The following SAP130 variants were observed in gnomAD, a reference collection of about 807,000 sequenced individuals.
The protein encoded by SAP130 is Sin3A associated protein 130, also known as histone deacetylase complex subunit SAP130.
SAP130 carries 16 observed loss-of-function variants against 103.2 expected under a neutral mutation model. The ratio of observed to expected loss-of-function variants is 0.16; its 90% confidence interval spans 0.10 to 0.24. The LOEUF is 0.24. SAP130 is among the 10% of genes least tolerant of loss of function. SAP130 has a pLI of 1.00. For missense variants in SAP130, 990 were observed against 1,359.7 expected (o/e 0.73, Z 4.28); for synonymous variants, 477 against 497.0 (o/e 0.96, Z 0.53).
chr2:128,017,383 T>TA (rs150344928), intron 3 of SAP130, among the ~76,000 whole-genome samples: 36 of 147,784 alleles, frequency 2.4e-4, no homozygotes, highest in Non-Finnish European at 4.0e-4. Flanking sequence ...CTGACTGGCT[T>TA]AAAAAAAAAA....
At chr2:128,026,584 C>A (rs1225549612) in intron 1 of SAP130, among the ~76,000 whole-genome samples, 1 of 152,194 alleles carries the variant, frequency 6.6e-6, no homozygotes, top group East Asian at 1.9e-4. Context: ...GTACAAGAGT[C>A]ACATGACAGG....
chr2:128,027,715 A>C (rs1323741062), intron 1 of SAP130, among the ~76,000 whole-genome samples: 1 of 120,996 alleles, frequency 8.3e-6, no homozygotes, highest in Non-Finnish European at 1.7e-5. Context: ...GGGTCAGCCC[A>C]CCCCTCCCGG....
chr2:127,995,878 C>G (rs1683144912), intron 11 of SAP130, among the ~76,000 whole-genome samples: 1 of 152,128 alleles, frequency 6.6e-6, no homozygotes, highest in South Asian at 2.1e-4. Context: ...CTGGTATAAC[C>G]TGAATGTAAC....
intron 15 of SAP130, among the ~76,000 whole-genome samples, chr2:127,972,663 C>T (rs557181325): frequency 1.3e-5 from 2 of 152,202 alleles, no homozygotes; most frequent in East Asian, 3.9e-4. Flanking sequence ...GAGGCTGAGG[C>T]AGGAGAATCA....
At chr2:128,005,145 CAGA>C (rs1475701617) in intron 7 of SAP130, among the ~76,000 whole-genome samples, 7 of 152,088 alleles carry the variant, frequency 4.6e-5, no homozygotes, top group Non-Finnish European at 8.8e-5. Context: ...GAGAGAACAA[CAGA>C]AGAAGACAAA....
intron 18 of SAP130, among the ~76,000 whole-genome samples, chr2:127,949,549 C>T (rs1226177317): frequency 6.6e-6 from 1 of 152,188 alleles, no homozygotes; most frequent in African/African-American, 2.4e-5. Context: ...ACAGCTCTTC[C>T]ACAATGACTC....
intron 2 of SAP130, among the ~76,000 whole-genome samples, chr2:128,024,851 C>T (rs1281267977): frequency 6.6e-6 from 1 of 151,784 alleles, no homozygotes; most frequent in African/African-American, 2.4e-5. Flanking sequence ...TGCACTCCAG[C>T]CTGGGCCACA....
chr2:128,014,730 G>A (rs761629873), intron 5 of SAP130, 73 bp downstream of exon 5: 8 of 1,028,008 alleles, frequency 7.8e-6, no homozygotes, highest in South Asian at 2.6e-5. Flanking sequence ...GATACATTCT[G>A]TGTTACGTAT....
At chr2:128,019,441 T>C (rs928139879) in intron 2 of SAP130, among the ~76,000 whole-genome samples, 2 of 152,190 alleles carry the variant, frequency 1.3e-5, no homozygotes, top group African/African-American at 4.8e-5. Flanking sequence ...CTAATTCTTT[T>C]ATTTTTTTAT....
chr2:127,999,633 G>C (rs930221255), intron 10 of SAP130, 108 bp downstream of exon 10: 2 of 532,564 alleles, frequency 3.8e-6, no homozygotes, highest in African/African-American at 3.9e-5. Context: ...AAAAAAAAGA[G>C]GAAATCAACA....
intron 11 of SAP130, among the ~76,000 whole-genome samples, chr2:127,995,129 T>A (rs376214803): frequency 6.6e-6 from 1 of 152,230 alleles, no homozygotes; most frequent in African/African-American, 2.4e-5. Context: ...GATATCAGCA[T>A]GAACTCAAAT....
chr2:127,995,638 GAATT>G (rs1471073355), intron 11 of SAP130, among the ~76,000 whole-genome samples: 1 of 152,098 alleles, frequency 6.6e-6, no homozygotes, highest in Non-Finnish European at 1.5e-5. Flanking sequence ...ATTCAGCCAG[GAATT>G]AATAATAGAT....
chr2:127,951,220 A>G (rs1679474570), intron 16 of SAP130, among the ~76,000 whole-genome samples: 1 of 152,302 alleles, frequency 6.6e-6, no homozygotes, highest in Middle Eastern at 3.4e-3. Context: ...GATAAAAAGC[A>G]TGTGTTGTGA....
chr2:127,991,650 T>C (rs1283625398), intron 12 of SAP130, among the ~76,000 whole-genome samples: 1 of 152,196 alleles, frequency 6.6e-6, no homozygotes, highest in African/African-American at 2.4e-5. Flanking sequence ...CTTAACAAGA[T>C]ATTTTACATT....
At chr2:127,949,607 G>A (rs1679353728) in intron 18 of SAP130, among the ~76,000 whole-genome samples, 1 of 152,170 alleles carries the variant, frequency 6.6e-6, no homozygotes, top group South Asian at 2.1e-4. Context: ...CTGTTAACAT[G>A]TGGGTTTTAC....
chr2:127,965,018 T>C (rs1439978047), intron 15 of SAP130, among the ~76,000 whole-genome samples: 6 of 124,014 alleles, frequency 4.8e-5, no homozygotes, highest in East Asian at 2.5e-4. Context: ...AAAAACAGGC[T>C]GGGTGTGGTG....
intron 1 of SAP130, chr2:128,027,354 G>A (rs1685592834): frequency 8.8e-7 from 1 of 1,142,566 alleles, no homozygotes; most frequent in Admixed American, 4.9e-5. Context: ...CGACGCGTCA[G>A]TGGAGGCCCA....
chr2:128,010,976 G>A (rs1037078945), intron 6 of SAP130, among the ~76,000 whole-genome samples: 7 of 141,676 alleles, frequency 4.9e-5, no homozygotes, highest in Non-Finnish European at 1.1e-4. Flanking sequence ...ATCCCATTTT[G>A]ATTGAACAGT....
Position 127,941,839 on chromosome 2 carries a change from C to A in SAP130, c.*167G>T. The A allele has an allele frequency of 3.1e-6, 2 of 653,336 alleles. No homozygotes were observed. Among genetic ancestry groups the A allele is most frequent in the Non-Finnish European group, 5.2e-6 (2 of 383,598 alleles). 40.5% of individuals were successfully genotyped at this position (653,336 alleles called of 1,614,324 possible). On this transcript the variant is annotated 3_prime_UTR_variant, in exon 21 of 21. Transcript: ENST00000643581. ...GGCAGCTCACTATGTCCAGTCAGCT[C>A]TGATCCTTTCACGCCCTTGGATGTC...
Sources: allele counts gnomAD v4.1 joint callset (sites outside exome capture counted in the v4.1 genomes callset), GRCh38; gene constraint gnomAD v4.1.1; transcripts MANE v1.5; gene names NCBI Gene and HGNC (gene_info 2026-07-23, HGNC 2026-07-21).